R3HDML: variants seen among roughly 807,000 people sequenced by gnomAD.
R3HDML encodes peptidase inhibitor R3HDML.
In R3HDML, 21 loss-of-function variants were observed where a neutral mutation model predicts 24.2. The ratio of observed to expected loss-of-function variants is 0.87; its 90% CI spans 0.62 to 1.25. The LOEUF (loss-of-function observed/expected upper bound fraction) is 1.25, where lower values mean the gene tolerates loss of function less well. Among genes scored for constraint, R3HDML ranks in the 50% most tolerant of loss-of-function variants. The pLI, the probability that R3HDML is intolerant of heterozygous loss-of-function variation, is 0.00. For missense variants in R3HDML, 301 were observed against 340.3 expected, an observed-to-expected ratio of 0.88 and a Z score of 0.91; for synonymous variants, 133 against 131.5, an observed-to-expected ratio of 1.01 and a Z score of -0.08.
At chr20:44,347,234 G>C (rs35333919) in intron 4 of R3HDML, among the ~76,000 whole-genome samples, 28,093 of 150,454 alleles carry the variant, frequency 0.19, 3,432 homozygotes, top group East Asian at 0.44. Context: ...TTTTTTTTGG[G>C]GGGGGACGAG....
intron 1 of R3HDML, among the ~76,000 whole-genome samples, chr20:44,340,791 G>C (rs1016965747): frequency 2.0e-5 from 3 of 152,114 alleles, no homozygotes; most frequent in Non-Finnish European, 4.4e-5. Context: ...GGGTGACAGA[G>C]TGAGATCCTG....
chr20:44,347,010 C>T (rs986106232), intron 4 of R3HDML, among the ~76,000 whole-genome samples: 3 of 152,124 alleles, frequency 2.0e-5, no homozygotes, highest in Middle Eastern at 3.4e-3. Flanking sequence ...GGCATGGTGG[C>T]GCGTGCCTGT....
In R3HDML at chr20:44,349,028, G is replaced by C. The variant is rs189713071; in HGVS notation, c.630-1632G>C. ...TAGTCGGGCATGGAGGTGCGTCCCT[G>C]AGGCAGGAGAATCGCTTGAACCCGG... On this transcript the variant is annotated intron_variant, in intron 4 of 4. Coordinates refer to ENST00000217043, the MANE Select transcript of R3HDML (RefSeq NM_178491.4). Among the ~76,000 whole-genome samples the C allele has an allele frequency of 2.9e-3, 440 of 152,150 alleles. 5 individuals carry two copies. The highest frequency in any genetic ancestry group is 9.4e-3 in the African/African-American group (392 of 41,514).
chr20:44,340,252 G>A (rs1367674188), intron 1 of R3HDML, among the ~76,000 whole-genome samples: 1 of 151,750 alleles, frequency 6.6e-6, no homozygotes, highest in East Asian at 1.9e-4. Context: ...ACCATGCCTG[G>A]CCTAATTTTT....
At chr20:44,342,522 GAGAA>G (rs1415656424) in intron 2 of R3HDML, among the ~76,000 whole-genome samples, 2 of 152,196 alleles carry the variant, frequency 1.3e-5, no homozygotes, top group Non-Finnish European at 2.9e-5. Flanking sequence ...GGCTCACAGA[GAGAA>G]AGAAAGCAGT....
chr20:44,343,861 G>A (rs1186055634), intron 3 of R3HDML, among the ~76,000 whole-genome samples: 1 of 152,056 alleles, frequency 6.6e-6, no homozygotes, highest in African/African-American at 2.4e-5. Flanking sequence ...AAAATGACTG[G>A]GTGCAGTGGC....
At position 44,337,357 on chromosome 20, in the gene R3HDML, T is replaced by A. The variant is rs368016316; in HGVS notation, c.200T>A (p.Leu67Gln). ...HISVRDMNAL[L>Q]DYHNHIRASV... ...TCTGTGAGAGACATGAATGCCTTAC[T>A]GGATTATCACAACCACATCCGGGCC... is the stretch of plus-strand genomic sequence containing the variant. Residue 67 changes from leucine to glutamine, a missense_variant, in exon 1 of 5, where the codon CTG becomes CAG. Coordinates refer to ENST00000217043, the MANE Select transcript of R3HDML (RefSeq NM_178491.4). The surrounding 1 kb of genome is among the most constrained non-coding windows in gnomAD (Gnocchi z 4.7). The A allele has an allele frequency of 7.4e-6, 12 of 1,614,080 alleles. No homozygotes were observed. Among genetic ancestry groups the A allele is most frequent in the Admixed American group, 5.0e-5 (3 of 60,008 alleles).
Position 44,337,229 on chromosome 20 carries a change from G to A in R3HDML, c.72G>A (p.Leu24=), listed in dbSNP as rs767690791. The change falls in exon 1 of 5, where the codon TTG becomes TTA. Residue 24 remains leucine, a synonymous_variant. Coordinates refer to ENST00000217043, the MANE Select transcript of R3HDML (RefSeq NM_178491.4). The surrounding 1 kb of genome is among the most constrained non-coding windows in gnomAD (Gnocchi z 4.7). ...LFWAGQAVNA[L]IMPNATPAPA... is the part of the protein sequence containing the mutation. ...GGGCTGGCCAGGCAGTGAACGCCTT[G>A]ATAATGCCTAATGCTACCCCAGCCC... The A allele has an allele frequency of 6.2e-7, 1 of 1,613,892 alleles. No homozygotes were observed. The highest frequency in any genetic ancestry group is 8.5e-7 in the Non-Finnish European group (1 of 1,179,992).
At chr20:44,342,290 CCTT>C (rs2062774250) in intron 2 of R3HDML, among the ~76,000 whole-genome samples, 1 of 152,056 alleles carries the variant, frequency 6.6e-6, no homozygotes, top group African/African-American at 2.4e-5. Flanking sequence ...AAGGCCAGTC[CCTT>C]CAAGTGAGCT....
chr20:44,348,706 G>T (rs767690356), intron 4 of R3HDML, among the ~76,000 whole-genome samples: 10 of 151,764 alleles, frequency 6.6e-5, no homozygotes, highest in Non-Finnish European at 1.3e-4. Context: ...AGAGACGGGG[G>T]TCTCGCCATG....
In R3HDML at chr20:44,337,121, A is replaced by T; in HGVS notation, c.-37A>T. The T allele has an allele frequency of 6.3e-7, 1 of 1,583,686 alleles. No individual in the cohort carries two copies. Among genetic ancestry groups the T allele is most frequent in the Non-Finnish European group, 8.6e-7 (1 of 1,160,480 alleles). On this transcript the variant is annotated 5_prime_UTR_variant, in exon 1 of 5. Coordinates refer to ENST00000217043, the MANE Select transcript of R3HDML (RefSeq NM_178491.4). The surrounding 1 kb of genome is among the most constrained non-coding windows in gnomAD (Gnocchi z 4.7). ...TGCCCCTTCCAGGCAGCCGGCTCTG[A>T]TTGCACAAGGCAGACCTGTGACTCC...
At chr20:44,348,464 C>T (rs2062795845) in intron 4 of R3HDML, among the ~76,000 whole-genome samples, 1 of 150,074 alleles carries the variant, frequency 6.7e-6, no homozygotes. Flanking sequence ...CCCTTTTCCC[C>T]TTTCTCCTTT....
chr20:44,346,870 AGT>A (rs2062788508), intron 4 of R3HDML, among the ~76,000 whole-genome samples: 1 of 152,246 alleles, frequency 6.6e-6, no homozygotes, highest in South Asian at 2.1e-4. Flanking sequence ...GGCCAGGAGC[AGT>A]GTCTTACACC....
At chr20:44,348,012 G>A (rs1052215632) in intron 4 of R3HDML, among the ~76,000 whole-genome samples, 10 of 139,406 alleles carry the variant, frequency 7.2e-5, no homozygotes, top group East Asian at 2.1e-4. Context: ...ACCTAGGCTC[G>A]GAAGTACAGT....
chr20:44,343,246 C>T, intron 2 of R3HDML, 131 bp from the exon 3 acceptor site: 1 of 1,160,032 alleles, frequency 8.6e-7, no homozygotes, highest in Non-Finnish European at 1.2e-6. Context: ...CCACTGCCCT[C>T]ATGCTCACAG....
At chr20:44,339,062 TAAAAAA>T (rs750054379) in intron 1 of R3HDML, among the ~76,000 whole-genome samples, 4 of 111,566 alleles carry the variant, frequency 3.6e-5, no homozygotes, top group Non-Finnish European at 5.5e-5. Flanking sequence ...AAACTCTATC[TAAAAAA>T]AAAAAAAAAA....
intron 4 of R3HDML, among the ~76,000 whole-genome samples, chr20:44,349,155 TA>T (rs1383359841): frequency 6.8e-6 from 1 of 148,044 alleles, no homozygotes; most frequent in Non-Finnish European, 1.5e-5. Context: ...ATAAATAAAA[TA>T]AAATAAAATA....
chr20:44,345,508 T>A, intron 4 of R3HDML, 130 bp downstream of exon 4: 1 of 674,952 alleles, frequency 1.5e-6, no homozygotes, highest in Non-Finnish European at 2.5e-6. Flanking sequence ...TGGGTAGTTT[T>A]AAGAGTTTAC....
At chr20:44,350,444 C>T (rs111859308) in intron 4 of R3HDML, among the ~76,000 whole-genome samples, 1,577 of 151,806 alleles carry the variant, frequency 0.01, 25 homozygotes, top group African/African-American at 0.036. Context: ...TTGCTTGAGC[C>T]CAGGACGTCA....
Sources: gnomAD v4.1 joint callset for allele counts (sites outside exome capture counted in the v4.1 genomes callset) on GRCh38, gnomAD v4.1.1 for gene constraint, Gnocchi (gnomAD v3.1) non-coding constraint, MANE v1.5 for transcripts, NCBI Gene and HGNC (gene_info 2026-07-23, HGNC 2026-07-21) for gene names.